BTBD9: variants seen among roughly 807,000 people sequenced by gnomAD.
The protein encoded by BTBD9 is BTB domain containing 9, also known as BTB/POZ domain-containing protein 9.
Under a neutral mutation model 64.3 loss-of-function variants are expected in BTBD9, and 49 were observed. The observed-to-expected ratio is 0.76, with a 90% CI of 0.61 to 0.97. The LOEUF is 0.97. Ranked by LOEUF, BTBD9 falls within the 50% of genes least tolerant of loss-of-function variation. BTBD9 has a pLI of 0.00. For synonymous variants in BTBD9, 260 were observed against 274.7 expected (o/e 0.95, Z 0.53); for missense variants, 598 against 762.1 (o/e 0.78, Z 2.53).
At chr6:38,555,705 T>C (rs187902953) in intron 6 of BTBD9, among the ~76,000 whole-genome samples, 4 of 152,360 alleles carry the variant, frequency 2.6e-5, no homozygotes, top group African/African-American at 9.6e-5. Flanking sequence ...TTTGAAATGC[T>C]TACCATGTCA....
chr6:38,367,487 A>G (rs151314281), intron 6 of BTBD9, among the ~76,000 whole-genome samples: 8 of 152,246 alleles, frequency 5.3e-5, no homozygotes, highest in African/African-American at 9.6e-5. Flanking sequence ...GACTGGACTG[A>G]GTCCTCTTTG....
At chr6:38,474,461 T>G (rs1245277592) in intron 6 of BTBD9, among the ~76,000 whole-genome samples, 3 of 152,050 alleles carry the variant, frequency 2.0e-5, no homozygotes, top group Non-Finnish European at 2.9e-5. Context: ...AGGCAGAGGT[T>G]GCACGAAGCT....
At chr6:38,272,047 G>A (rs1007638913) in intron 8 of BTBD9, among the ~76,000 whole-genome samples, 14 of 152,054 alleles carry the variant, frequency 9.2e-5, no homozygotes, top group African/African-American at 2.4e-4. Flanking sequence ...CCAAACCCTC[G>A]TTACTCCCTG....
At chr6:38,326,441 GAC>G (rs904587110) in intron 7 of BTBD9, among the ~76,000 whole-genome samples, 2 of 152,140 alleles carry the variant, frequency 1.3e-5, no homozygotes, top group African/African-American at 4.8e-5. Context: ...ATCCCGATAA[GAC>G]AACGCTGGGG....
intron 7 of BTBD9, among the ~76,000 whole-genome samples, chr6:38,329,083 G>C (rs192150467): frequency 6.1e-4 from 87 of 141,886 alleles, no homozygotes; most frequent in African/African-American, 2.2e-3. Context: ...TTCTATTATG[G>C]TTATTTCCCT....
intron 9 of BTBD9, among the ~76,000 whole-genome samples, chr6:38,196,088 T>C (rs1416410089): frequency 1.3e-5 from 2 of 152,218 alleles, no homozygotes; most frequent in East Asian, 1.9e-4. Flanking sequence ...GAGAGGGTCA[T>C]GGGTGACGGT....
intron 2 of BTBD9, among the ~76,000 whole-genome samples, chr6:38,596,757 C>T (rs922141228): frequency 6.8e-6 from 1 of 146,488 alleles, no homozygotes; most frequent in Non-Finnish European, 1.5e-5. Flanking sequence ...GCCGAGATCG[C>T]GCCACTGCAC....
intron 6 of BTBD9, among the ~76,000 whole-genome samples, chr6:38,500,948 A>C (rs1316710709): frequency 6.6e-6 from 1 of 152,244 alleles, no homozygotes; most frequent in African/African-American, 2.4e-5. Flanking sequence ...GCACTGGCTG[A>C]AGACCAAATG....
chr6:38,279,708 AC>A (rs1187673343), intron 8 of BTBD9, among the ~76,000 whole-genome samples: 1 of 152,206 alleles, frequency 6.6e-6, no homozygotes, highest in Non-Finnish European at 1.5e-5. Flanking sequence ...TCCAAGGTGA[AC>A]AATTCTGGTT....
At position 38,256,642 on chromosome 6, in the gene BTBD9, G is replaced by A. The variant is rs144285760; in HGVS notation, c.1455-126C>T. 14 of 627,944 alleles carry A rather than the reference G, an allele frequency of 2.2e-5. No homozygotes were observed. The East Asian group carries it at 4.1e-4, about 18-fold the overall frequency. 38.9% of individuals were successfully genotyped at this position (627,944 alleles called of 1,614,324 possible). A position where few individuals can be genotyped will look rare whatever the true frequency, so the allele number is the denominator to read the frequency against. ...ATTTCTAGGACTGGACAAAGAAGGT[G>A]AATCCCAAAAAAGTATGAAGAGAAC... On this transcript the variant is annotated intron_variant, in intron 8 of 10. Transcript: ENST00000481247.
chr6:38,429,801 T>C (rs2127293907), intron 6 of BTBD9, among the ~76,000 whole-genome samples: 2 of 152,146 alleles, frequency 1.3e-5, no homozygotes, highest in Non-Finnish European at 2.9e-5. Flanking sequence ...GCCAAGCCTC[T>C]TTGCATAGAG....
At chr6:38,601,528 A>G (rs1777238618) in intron 1 of BTBD9, among the ~76,000 whole-genome samples, 1 of 152,040 alleles carries the variant, frequency 6.6e-6, no homozygotes, top group Non-Finnish European at 1.5e-5. Flanking sequence ...CCACAAAAAA[A>G]TTTAAAAATT....
At position 38,424,247 on chromosome 6, in the gene BTBD9, G is replaced by T. The variant is rs116918726; in HGVS notation, c.1155-79154C>A. ...TCTGGTTCCTTTAAAGAAACTTCAG[G>T]TATCAGCAAGCAGATAGCATAAGTT... On this transcript the variant is annotated intron_variant, in intron 6 of 10. Coordinates refer to ENST00000481247, the MANE Select transcript of BTBD9 (RefSeq NM_001099272.2). Among the ~76,000 whole-genome samples the T allele has an allele frequency of 9.9e-5, 15 of 151,912 alleles. No individual in the cohort carries two copies. The East Asian group carries it at 2.9e-3, about 29-fold the overall frequency.
At chr6:38,241,407 G>C (rs1763988313) in intron 9 of BTBD9, among the ~76,000 whole-genome samples, 1 of 152,182 alleles carries the variant, frequency 6.6e-6, no homozygotes, top group South Asian at 2.1e-4. Flanking sequence ...ATTGCCTCAA[G>C]GTAGAAGGCC....
rs1776858190 is a variant in BTBD9, at chr6:38,592,786, T to C, written c.604A>G (p.Ile202Val). 2.5e-6 allele frequency: 4 copies of C among 1,614,188 alleles called. No homozygotes were observed. Among genetic ancestry groups the C allele is most frequent in the Non-Finnish European group, 2.5e-6 (3 of 1,180,030 alleles). The part of the protein sequence containing the change: ...RDSFAAPEKD[I>V]FLALLNWCKH... The stretch of plus-strand genomic sequence containing the variant: ...CACCAGTTTAATAAGGCTAGGAAAA[T>C]ATCTTTTTCGGGAGCTGCAAATGAG... Residue 202 changes from isoleucine to valine, a missense_variant, in exon 4 of 11, where the codon ATT (isoleucine) becomes GTT (valine). Transcript: ENST00000481247.
rs758221379 is a variant in BTBD9 at position 38,344,993 on chromosome 6, C to G, written c.1255G>C (p.Gly419Arg). The change falls in exon 7 of 11, where the codon GGG becomes CGG. Residue 419 changes from glycine to arginine, a missense_variant. Coordinates refer to ENST00000481247, the MANE Select transcript of BTBD9 (RefSeq NM_001099272.2). Reference sequence around the variant, plus strand: ...TAATGGTAATACTTACCTATCAGCCCCTTCTCAAGAGTGAAGGTTTTGTTT... The same window carrying G: ...TAATGGTAATACTTACCTATCAGCCGCTTCTCAAGAGTGAAGGTTTTGTTT... ...FTNKTFTLEK[G>R]LIVPMENVAT... 1.3e-6 allele frequency: 2 copies of G among 1,592,232 alleles called. No individual in the cohort carries two copies. The highest frequency in any genetic ancestry group is 1.7e-6 in the Non-Finnish European group (2 of 1,163,656).
At position 38,323,402 on chromosome 6, in the gene BTBD9, C is replaced by G. The variant is rs534599358; in HGVS notation, c.1264+21582G>C. Among the ~76,000 whole-genome samples the G allele has an allele frequency of 3.4e-4, 52 of 152,172 alleles. No individual in the cohort carries two copies. The Middle Eastern group carries it at 0.01, about 30-fold the overall frequency. ...TGGGAAGAAAAAGGGTGCAGAGGGA[C>G]AGAAGGGATAAAGTAGGAGTAGAAC... is the stretch of plus-strand genomic sequence containing the variant. On this transcript the variant is annotated intron_variant, in intron 7 of 10. Transcript: ENST00000481247.
At chr6:38,629,343 G>A (rs868095658) in intron 1 of BTBD9, among the ~76,000 whole-genome samples, 28 of 152,194 alleles carry the variant, frequency 1.8e-4, no homozygotes, top group Admixed American at 7.9e-4. Flanking sequence ...CTTTACAGTG[G>A]AGAAACCAGG....
At chr6:38,627,980 T>C (rs1778226965) in intron 1 of BTBD9, among the ~76,000 whole-genome samples, 1 of 152,212 alleles carries the variant, frequency 6.6e-6, no homozygotes, top group Non-Finnish European at 1.5e-5. Flanking sequence ...CTGCCTATCA[T>C]ATGACTAAGC....
Sources: gnomAD v4.1 joint callset for allele counts (sites outside exome capture counted in the v4.1 genomes callset) on GRCh38, gnomAD v4.1.1 for gene constraint, MANE v1.5 for transcripts, NCBI Gene and HGNC (gene_info 2026-07-23, HGNC 2026-07-21) for gene names.